The following RYR2 variants were observed in gnomAD, a reference collection of about 807,000 sequenced individuals.
RYR2 encodes ryanodine receptor 2, also known as cardiac muscle ryanodine receptor-calcium release channel.
RYR2 carries 227 observed loss-of-function variants against 601.1 expected under a neutral mutation model. The observed-to-expected ratio is 0.38, with a 90% confidence interval of 0.34 to 0.42. The LOEUF (loss-of-function observed/expected upper bound fraction) is 0.42. Ranked by LOEUF, RYR2 falls within the 10% of genes least tolerant of loss-of-function variation. The probability of loss-of-function intolerance (pLI) is 1.00; values close to 1 mark genes in which losing one functional copy is unlikely to be tolerated. For synonymous variants in RYR2, 2,223 were observed against 2,175.1 expected (o/e 1.02, Z -0.61); for missense variants, 4,646 against 6,156.5 (o/e 0.75, Z 8.21).
intron 17 of RYR2, among the ~76,000 whole-genome samples, chr1:237,473,459 T>TTCTA (rs1239870950): frequency 0.019 from 2,664 of 136,736 alleles, 54 homozygotes; most frequent in Non-Finnish European, 0.03. Flanking sequence ...CTTTCTTTCT[T>TTCTA]TCTATCTATC....
chr1:237,148,521 A>T (rs1239475402), intron 1 of RYR2, among the ~76,000 whole-genome samples: 1,145 of 43,872 alleles, frequency 0.026, 29 homozygotes, highest in African/African-American at 0.076. Context: ...CAAGTAAAAA[A>T]AAAAAAATAT....
chr1:237,609,766 C>T (rs1393156893), intron 35 of RYR2, among the ~76,000 whole-genome samples: 1 of 152,012 alleles, frequency 6.6e-6, no homozygotes, highest in African/African-American at 2.4e-5. Flanking sequence ...GCTTTCTGTC[C>T]CCCAAACCCC....
intron 17 of RYR2, among the ~76,000 whole-genome samples, chr1:237,475,185 C>G (rs986517185): frequency 6.6e-6 from 1 of 152,208 alleles, no homozygotes; most frequent in Non-Finnish European, 1.5e-5. Flanking sequence ...TGAGCTAACA[C>G]AGAACCAGCT....
chr1:237,816,014 G>C (rs920694427), intron 100 of RYR2, among the ~76,000 whole-genome samples: 1 of 152,154 alleles, frequency 6.6e-6, no homozygotes, highest in African/African-American at 2.4e-5. Context: ...TCATCCATCA[G>C]TTGCTGGGCA....
At chr1:237,683,517 T>C (rs1686077840) in intron 62 of RYR2, among the ~76,000 whole-genome samples, 1 of 152,156 alleles carries the variant, frequency 6.6e-6, no homozygotes, top group African/African-American at 2.4e-5. Flanking sequence ...TCAAAGTTGA[T>C]CTTGAACAAC....
At chr1:237,826,446 A>G (rs1386579479) in intron 101 of RYR2, among the ~76,000 whole-genome samples, 5 of 152,190 alleles carry the variant, frequency 3.3e-5, no homozygotes, top group African/African-American at 4.8e-5. Flanking sequence ...GTTCTCACTC[A>G]TAAGTGGGAG....
intron 58 of RYR2, among the ~76,000 whole-genome samples, chr1:237,670,171 C>T (rs1015330094): frequency 2.6e-5 from 4 of 151,462 alleles, no homozygotes; most frequent in East Asian, 3.9e-4. Flanking sequence ...CGCCTGCAAT[C>T]GCAGGCACTC....
chr1:237,753,941 T>C (rs1692738377), intron 80 of RYR2, among the ~76,000 whole-genome samples: 1 of 151,456 alleles, frequency 6.6e-6, no homozygotes, highest in African/African-American at 2.4e-5. Context: ...TTTTTTTAAT[T>C]TATAATAAAC....
chr1:237,486,448 C>G (rs921767433), intron 17 of RYR2, among the ~76,000 whole-genome samples: 6 of 152,086 alleles, frequency 3.9e-5, no homozygotes, highest in African/African-American at 1.4e-4. Flanking sequence ...TGTGTAGCAA[C>G]TGGTAGCTTT....
chr1:237,680,178 A>G (rs1685744602), intron 61 of RYR2, among the ~76,000 whole-genome samples: 1 of 152,186 alleles, frequency 6.6e-6, no homozygotes, highest in African/African-American at 2.4e-5. Flanking sequence ...GCACTGAACT[A>G]TGTTATATGA....
At chr1:237,316,085 G>A (rs1237510919) in intron 2 of RYR2, among the ~76,000 whole-genome samples, 1 of 152,078 alleles carries the variant, frequency 6.6e-6, no homozygotes. Context: ...ACAATCAGGT[G>A]TGACGATTAG....
At chr1:237,185,649 T>C (rs1679263451) in intron 1 of RYR2, among the ~76,000 whole-genome samples, 1 of 152,156 alleles carries the variant, frequency 6.6e-6, no homozygotes, top group African/African-American at 2.4e-5. Context: ...CCCTTCCTCA[T>C]AACCTCCTGG....
chr1:237,724,144 C>T (rs1214854697), intron 74 of RYR2, among the ~76,000 whole-genome samples: 2 of 146,570 alleles, frequency 1.4e-5, no homozygotes, highest in African/African-American at 5.1e-5. Context: ...ATGCCCTATG[C>T]CATCTCAGGA....
intron 71 of RYR2, among the ~76,000 whole-genome samples, chr1:237,713,519 C>T (rs1467715511): frequency 6.6e-6 from 1 of 152,094 alleles, no homozygotes; most frequent in Non-Finnish European, 1.5e-5. Flanking sequence ...GCCTCAGCCT[C>T]CCAAGTAGCT....
intron 33 of RYR2, 139 bp downstream of exon 33, chr1:237,593,775 C>A (rs1273781598): frequency 2.2e-6 from 2 of 894,160 alleles, no homozygotes; most frequent in African/African-American, 1.7e-5. Flanking sequence ...ATGTCAATGT[C>A]GTTTTTGTTA....
At chr1:237,065,607 A>G (rs938351154) in intron 1 of RYR2, among the ~76,000 whole-genome samples, 1 of 151,930 alleles carries the variant, frequency 6.6e-6, no homozygotes, top group Non-Finnish European at 1.5e-5. Context: ...ATAGTCATAC[A>G]CTTCCTCCTT....
chr1:237,512,897 T>G (rs1181772345), intron 24 of RYR2, among the ~76,000 whole-genome samples: 1 of 151,956 alleles, frequency 6.6e-6, no homozygotes, highest in Non-Finnish European at 1.5e-5. Flanking sequence ...AAAATAAATT[T>G]AAAAGGAGCC....
chr1:237,538,064 A>G (rs1435392639), intron 25 of RYR2, among the ~76,000 whole-genome samples: 1 of 152,066 alleles, frequency 6.6e-6, no homozygotes. Flanking sequence ...ATGTTGGTGG[A>G]AAAGAGGAGA....
chr1:237,111,821 G>T (rs541325797), intron 1 of RYR2, among the ~76,000 whole-genome samples: 1 of 152,252 alleles, frequency 6.6e-6, no homozygotes, highest in Admixed American at 6.5e-5. Flanking sequence ...CTCCTTGAGG[G>T]TTCTAGTGCA....
Sources: gnomAD v4.1 joint callset for allele counts (sites outside exome capture counted in the v4.1 genomes callset) on GRCh38, gnomAD v4.1.1 for gene constraint, MANE v1.5 for transcripts, NCBI Gene and HGNC (gene_info 2026-07-23, HGNC 2026-07-21) for gene names.